ASIC2: variants seen among roughly 807,000 people sequenced by gnomAD.
The protein encoded by ASIC2 is acid sensing ion channel subunit 2.
ASIC2 carries 25 observed loss-of-function variants against 57.3 expected under a neutral mutation model. That is an observed-to-expected ratio of 0.44 (90% confidence interval 0.32 to 0.61). ASIC2 has a LOEUF of 0.61. ASIC2 is among the 20% of genes least tolerant of loss of function. The pLI is 0.06. For missense variants in ASIC2, 641 were observed against 738.1 expected (o/e 0.87, Z 1.52); for synonymous variants, 319 against 307.5 (o/e 1.04, Z -0.39).
chr17:33,560,647 G>A lies in ASIC2; in HGVS notation c.556-448580C>T, dbSNP rs1186887093. On this transcript the variant is annotated intron_variant, in intron 1 of 9. Coordinates refer to the ASIC2 transcript ENST00000359872. ...AATATAGTTTCAAAACTGTGCCCTA[G>A]AAAATACTCCCAAGGTGAAAGAAGC... Among the ~76,000 whole-genome samples, 4 of 152,252 alleles carry A rather than the reference G, an allele frequency of 2.6e-5. No individual in the cohort carries two copies. In the East Asian group the frequency reaches 7.7e-4, roughly 29 times the overall value.
In ASIC2 at chr17:33,262,866, G is replaced by T. The variant is rs558907450; in HGVS notation, c.708+28542C>A. Among the ~76,000 whole-genome samples the T allele has an allele frequency of 2.6e-5, 4 of 152,284 alleles. No individual in the cohort carries two copies. In the South Asian group the frequency reaches 8.3e-4, roughly 32 times the overall value. ...TTCCCAAGCCACAAGAGAAAGCCTC[G>T]CCCATGTGTAGATGAGGAATGTTGA... On this transcript the variant is annotated intron_variant, in intron 1 of 9. Transcript: ENST00000225823.
At chr17:33,260,483 A>G (rs1038366914) in intron 1 of ASIC2, among the ~76,000 whole-genome samples, 4 of 152,168 alleles carry the variant, frequency 2.6e-5, no homozygotes, top group African/African-American at 9.7e-5. Context: ...TTGAAGGGAA[A>G]ATGATGGTCT....
intron 1 of ASIC2, among the ~76,000 whole-genome samples, chr17:33,552,847 T>C (rs1369159074): frequency 6.6e-6 from 1 of 152,190 alleles, no homozygotes; most frequent in African/African-American, 2.4e-5. Flanking sequence ...GTTAGTGCAA[T>C]GGGCATGGCT....
chr17:33,456,792 C>T (rs937789665), intron 1 of ASIC2, among the ~76,000 whole-genome samples: 2 of 152,178 alleles, frequency 1.3e-5, no homozygotes, highest in Non-Finnish European at 2.9e-5. Flanking sequence ...GTCAGACAAA[C>T]GTCCTTTCAA....
chr17:33,639,778 A>AAAT (rs1555549191), intron 1 of ASIC2, among the ~76,000 whole-genome samples: 6 of 150,980 alleles, frequency 4.0e-5, no homozygotes, highest in Non-Finnish European at 5.9e-5. Context: ...AAAAAAAAAA[A>AAAT]GCGGAACAAA....
At chr17:33,553,027 A>G (rs757072175) in intron 1 of ASIC2, among the ~76,000 whole-genome samples, 2 of 152,122 alleles carry the variant, frequency 1.3e-5, no homozygotes, top group Non-Finnish European at 2.9e-5. Context: ...GGGACATTTG[A>G]GTCACTTGTT....
At chr17:34,069,974 TTTAA>T (rs1909337004) in intron 1 of ASIC2, 1 of 152,112 alleles carries the variant, frequency 6.6e-6, no homozygotes, top group Non-Finnish European at 1.5e-5. Context: ...ATAATCAAAA[TTTAA>T]TTAATAGAAT....
At chr17:33,800,125 C>G (rs758533562) in intron 1 of ASIC2, among the ~76,000 whole-genome samples, 4 of 152,128 alleles carry the variant, frequency 2.6e-5, no homozygotes, top group Non-Finnish European at 4.4e-5. Context: ...CCCATTGCCT[C>G]TTCAGCTGCA....
At chr17:33,295,677 C>A (rs1905693960), upstream of ASIC2, among the ~76,000 whole-genome samples, 1 of 152,178 alleles carries the variant, frequency 6.6e-6, no homozygotes, top group African/African-American at 2.4e-5. Flanking sequence ...TGTATCCCTA[C>A]CTCTTAGCAC....
chr17:33,641,607 C>T (rs1277431494), intron 1 of ASIC2, among the ~76,000 whole-genome samples: 10 of 152,236 alleles, frequency 6.6e-5, no homozygotes, highest in Admixed American at 6.5e-4. Flanking sequence ...TGCAGTGGTG[C>T]AGAGTGTGCC....
At chr17:33,773,919 A>C (rs1244696008) in intron 1 of ASIC2, among the ~76,000 whole-genome samples, 1 of 152,096 alleles carries the variant, frequency 6.6e-6, no homozygotes, top group Non-Finnish European at 1.5e-5. Context: ...CTCCTTTCTC[A>C]GCCTCCCAAA....
chr17:33,563,115 T>C (rs1162900293), intron 1 of ASIC2, among the ~76,000 whole-genome samples: 2 of 152,152 alleles, frequency 1.3e-5, no homozygotes, highest in African/African-American at 2.4e-5. Flanking sequence ...CTGGGGAAGC[T>C]TCCCTCTAAA....
At chr17:33,681,802 A>G (rs1908009171) in intron 1 of ASIC2, among the ~76,000 whole-genome samples, 1 of 152,182 alleles carries the variant, frequency 6.6e-6, no homozygotes. Flanking sequence ...AGTGACTGGA[A>G]TTATTAATTC....
At chr17:33,422,794 T>A (rs1421731269) in intron 1 of ASIC2, among the ~76,000 whole-genome samples, 1 of 152,162 alleles carries the variant, frequency 6.6e-6, no homozygotes, top group African/African-American at 2.4e-5. Context: ...AGACTCAACC[T>A]ATGAGGATGT....
At chr17:33,452,975 G>A (rs761590950) in intron 1 of ASIC2, among the ~76,000 whole-genome samples, 8 of 152,116 alleles carry the variant, frequency 5.3e-5, no homozygotes, top group Non-Finnish European at 1.0e-4. Flanking sequence ...TGAAATGACA[G>A]GGCCTTAGTG....
intron 1 of ASIC2, among the ~76,000 whole-genome samples, chr17:33,166,595 T>C (rs1366288081): frequency 1.3e-5 from 2 of 152,142 alleles, no homozygotes; most frequent in Non-Finnish European, 2.9e-5. Flanking sequence ...ACAGGACCCC[T>C]GGGTGAAGGC....
intron 1 of ASIC2, among the ~76,000 whole-genome samples, chr17:33,771,932 A>T (rs1911126011): frequency 6.6e-6 from 1 of 152,192 alleles, no homozygotes; most frequent in East Asian, 1.9e-4. Flanking sequence ...CTGTATATAT[A>T]GTATGTAGTA....
At chr17:33,893,954 G>T (rs1344490971) in intron 1 of ASIC2, among the ~76,000 whole-genome samples, 1 of 152,118 alleles carries the variant, frequency 6.6e-6, no homozygotes, top group African/African-American at 2.4e-5. Flanking sequence ...CTCAGTCAAA[G>T]TCAGATACAT....
At chr17:33,220,826 G>A (rs1907661912) in intron 1 of ASIC2, among the ~76,000 whole-genome samples, 1 of 152,240 alleles carries the variant, frequency 6.6e-6, no homozygotes, top group Admixed American at 6.5e-5. Flanking sequence ...CCAGTACTTT[G>A]GGGGGCCGAG....
Sources: gnomAD v4.1 joint callset for allele counts (sites outside exome capture counted in the v4.1 genomes callset) on GRCh38, gnomAD v4.1.1 for gene constraint, MANE v1.5 for transcripts, NCBI Gene and HGNC (gene_info 2026-07-23, HGNC 2026-07-21) for gene names.